Variants in TMEM40 observed in about 807,000 individuals in gnomAD.
The protein encoded by TMEM40 is transmembrane protein 40.
In TMEM40, 34 loss-of-function variants were observed where a neutral mutation model predicts 40.8. The observed-to-expected ratio is 0.83, with a 90% CI of 0.63 to 1.11. TMEM40 has a LOEUF of 1.11. Ranked by LOEUF, TMEM40 falls within the 50% of genes least tolerant of loss-of-function variation. The pLI is 0.00. For synonymous variants in TMEM40, 106 were observed against 107.0 expected (o/e 0.99, Z 0.06); for missense variants, 296 against 280.2 (o/e 1.06, Z -0.40).
intron 1 of TMEM40, among the ~76,000 whole-genome samples, chr3:12,755,233 C>CTCTCTTTCTTTCTTTCTTTCTTTCTT (rs1553634013): frequency 2.7e-4 from 16 of 59,952 alleles, no homozygotes; most frequent in Non-Finnish European, 4.0e-4. Context: ...CTCTCTCTCT[C>CTCTCTTTCTTTCTTTCTTTCTTTCTT]TCTTTCTTTC....
At position 12,743,965 on chromosome 3, in the gene TMEM40, G is replaced by C. The variant is rs138475655; in HGVS notation, c.236C>G (p.Pro79Arg). 4.3e-6 allele frequency: 7 copies of C among 1,613,078 alleles called. No homozygotes were observed. The African/African-American group carries it at 9.3e-5, about 22-fold the overall frequency. The change falls in exon 4 of 12, where the codon CCC becomes CGC. Residue 79 changes from proline (P) to arginine (R), a missense_variant. Transcript: ENST00000314124. ...SSESNDEDQQ[P>R]RATGKHRRSL... ...CCGTCGATGTTTTCCGGTTGCTCTG[G>C]GTTGCTGGTCCTCATCATTGCTCTC...
intron 1 of TMEM40, among the ~76,000 whole-genome samples, chr3:12,755,205 T>TTCTCTCTCTC (rs1337585853): frequency 4.8e-5 from 4 of 83,270 alleles, no homozygotes; most frequent in African/African-American, 2.6e-4. Context: ...CTTCCTTTCT[T>TTCTCTCTCTC]TCTTTCTTTC....
chr3:12,768,323 G>T (rs866662501), intron 1 of TMEM40, among the ~76,000 whole-genome samples: 38 of 152,266 alleles, frequency 2.5e-4, no homozygotes, highest in South Asian at 1.5e-3. Context: ...CAGTGTGAAA[G>T]GTGACCCCAG....
At chr3:12,751,884 T>C (rs1424503740) in intron 1 of TMEM40, among the ~76,000 whole-genome samples, 1 of 152,164 alleles carries the variant, frequency 6.6e-6, no homozygotes, top group Non-Finnish European at 1.5e-5. Flanking sequence ...TGATGAGCTC[T>C]TTTTCCAGTC....
chr3:12,747,498 T>C (rs2061438505), intron 3 of TMEM40, among the ~76,000 whole-genome samples: 1 of 152,192 alleles, frequency 6.6e-6, no homozygotes. Context: ...GAGTAAGCAT[T>C]CAATAAATAT....
At chr3:12,755,427 T>C (rs1559533600) in intron 1 of TMEM40, among the ~76,000 whole-genome samples, 1 of 151,650 alleles carries the variant, frequency 6.6e-6, no homozygotes, top group Non-Finnish European at 1.5e-5. Flanking sequence ...CCTTCCAAAG[T>C]GTGCTGAGCC....
Position 12,736,762 on chromosome 3 carries a change from A to T in TMEM40, c.544+2T>A. The T allele has an allele frequency of 6.2e-7, 1 of 1,613,820 alleles. No homozygotes were observed. Among genetic ancestry groups the T allele is most frequent in the Non-Finnish European group, 8.5e-7 (1 of 1,179,934 alleles). ...TGCATTCCCCAGGGCACCTCCCCTC[A>T]CCTGCGTAATAGTGATAACACACCA... On this transcript the variant is annotated splice_donor_variant, in intron 9 of 11. Transcript: ENST00000314124. LOFTEE classifies it high-confidence loss of function.
rs914345089 is a variant in TMEM40, at chr3:12,747,166, A to C, written c.211+1489T>G. 9.3e-5 allele frequency among the ~76,000 whole-genome samples: 14 copies of C among 151,206 alleles called. No individual in the cohort carries two copies. The South Asian group carries it at 2.9e-3, about 32-fold the overall frequency. ...GGGCCTTGGTCTCAGCATTTGCAACATGAGGACATAAGACCAGAGCTTTTT... is the reference window on the plus strand; with the variant it reads ...GGGCCTTGGTCTCAGCATTTGCAACCTGAGGACATAAGACCAGAGCTTTTT... On this transcript the variant is annotated intron_variant, in intron 3 of 11. Transcript: ENST00000314124.
At chr3:12,743,052 A>G (rs1339648111) in intron 4 of TMEM40, among the ~76,000 whole-genome samples, 2 of 152,226 alleles carry the variant, frequency 1.3e-5, no homozygotes, top group Non-Finnish European at 2.9e-5. Flanking sequence ...GCATTTATTA[A>G]ACACCTTCTG....
chr3:12,749,907 G>A (rs1403588372), intron 1 of TMEM40, 67 bp from the exon 2 acceptor site: 17 of 1,397,816 alleles, frequency 1.2e-5, no homozygotes, highest in East Asian at 2.3e-5. Flanking sequence ...CAAAGAGCTT[G>A]GCAAATAAAT....
upstream of TMEM40, among the ~76,000 whole-genome samples, chr3:12,763,845 G>A (rs1423501362): frequency 6.6e-6 from 1 of 152,186 alleles, no homozygotes; most frequent in Non-Finnish European, 1.5e-5. Flanking sequence ...CCCTGTAGGT[G>A]TATGGAGAAA....
upstream of TMEM40, among the ~76,000 whole-genome samples, chr3:12,760,736 G>A (rs1458787250): frequency 1.3e-5 from 2 of 150,806 alleles, no homozygotes; most frequent in Admixed American, 1.3e-4. Context: ...GACAGTAGGT[G>A]CTCACTAATT....
At chr3:12,768,986 C>A (rs1200016856) in intron 1 of TMEM40, among the ~76,000 whole-genome samples, 6 of 150,644 alleles carry the variant, frequency 4.0e-5, no homozygotes, top group African/African-American at 1.2e-4. Flanking sequence ...ACAGGCAAGG[C>A]GCACTGCAGG....
At chr3:12,767,758 TAAC>T (rs2061600661) in intron 1 of TMEM40, among the ~76,000 whole-genome samples, 1 of 152,058 alleles carries the variant, frequency 6.6e-6, no homozygotes, top group African/African-American at 2.4e-5. Flanking sequence ...CTACTGGACT[TAAC>T]AAAGAGGCAA....
intron 1 of TMEM40, among the ~76,000 whole-genome samples, chr3:12,755,233 C>CTCTCTCTCTCTGTCTT (rs1553634013): frequency 1.7e-5 from 1 of 59,886 alleles, no homozygotes; most frequent in Non-Finnish European, 3.3e-5. Flanking sequence ...CTCTCTCTCT[C>CTCTCTCTCTCTGTCTT]TCTTTCTTTC....
Position 12,738,147 on chromosome 3 carries a change from T to A in TMEM40, c.413A>T (p.Asp138Val), listed in dbSNP as rs777040204. The stretch of plus-strand genomic sequence containing the variant: ...GCTTGTGTATTTACCACTTGCTGGG[T>A]CAGAGCCTCTCCTTCGGAGTCCTGG... Reference protein sequence around the residue: ...GESGLRRRGSDPASGEVEASQ... With the variant: ...GESGLRRRGSVPASGEVEASQ... The change falls in exon 7 of 12, where the codon GAC (aspartate) becomes GTC (valine). Residue 138 changes from aspartate to valine, a missense_variant. Transcript: ENST00000314124. 2.5e-6 allele frequency: 4 copies of A among 1,614,002 alleles called. No individual in the cohort carries two copies. Among genetic ancestry groups the A allele is most frequent in the Non-Finnish European group, 3.4e-6 (4 of 1,179,986 alleles).
chr3:12,759,623 C>A (rs1457559921), upstream of TMEM40: 1 of 152,476 alleles, frequency 6.6e-6, no homozygotes, highest in Non-Finnish European at 1.5e-5. Context: ...CGTGTCCCAA[C>A]CTGCCCTGCG....
rs972914916 is a variant in TMEM40, at chr3:12,734,757, C to A, written c.*17G>T. On this transcript the variant is annotated 3_prime_UTR_variant, in exon 12 of 12. Coordinates refer to ENST00000314124, the MANE Select transcript of TMEM40 (RefSeq NM_018306.4). ...GTCACACTGGGGCCTGCCTCTGCTG[C>A]CCACCTGGAAGTGGCCTCAGTCAGT... 1.3e-6 allele frequency: 2 copies of A among 1,591,934 alleles called. No homozygotes were observed. The highest frequency in any genetic ancestry group is 1.7e-6 in the Non-Finnish European group (2 of 1,170,060).
At chr3:12,740,505 T>C (rs2061373761) in intron 5 of TMEM40, among the ~76,000 whole-genome samples, 1 of 138,592 alleles carries the variant, frequency 7.2e-6, no homozygotes, top group Non-Finnish European at 1.5e-5. Context: ...ATCGAGACCA[T>C]CCTGGCTAAC....
Sources: allele counts gnomAD v4.1 joint callset (sites outside exome capture counted in the v4.1 genomes callset), GRCh38; gene constraint gnomAD v4.1.1; transcripts MANE v1.5; gene names NCBI Gene and HGNC (gene_info 2026-07-23, HGNC 2026-07-21).